Variants in ZNF800 observed in about 807,000 individuals in gnomAD.
The protein encoded by ZNF800 is zinc finger protein 800.
A neutral mutation model predicts 59.5 loss-of-function variants in ZNF800; 13 were observed. That is an observed-to-expected ratio of 0.22 (90% confidence interval 0.14 to 0.35). The LOEUF (loss-of-function observed/expected upper bound fraction) is 0.35. Ranked by LOEUF, ZNF800 falls within the 10% of genes least tolerant of loss-of-function variation. The pLI is 1.00. For synonymous variants in ZNF800, 266 were observed against 265.7 expected (o/e 1.00, Z -0.01); for missense variants, 621 against 783.7 (o/e 0.79, Z 2.48).
chr7:127,368,032 G>A (rs909165560), downstream of ZNF800, among the ~76,000 whole-genome samples: 1 of 152,004 alleles, frequency 6.6e-6, no homozygotes, highest in Admixed American at 6.6e-5. Flanking sequence ...GTGGAGCAAT[G>A]AAGATTTAGG....
Position 127,392,244 on chromosome 7 carries a change from A to C in ZNF800, c.-243T>G. 2 of 392,346 alleles carry C rather than the reference A, an allele frequency of 5.1e-6. No individual in the cohort carries two copies. Among genetic ancestry groups the C allele is most frequent in the Non-Finnish European group, 4.5e-6 (1 of 222,034 alleles). 24.3% of individuals were successfully genotyped at this position (392,346 alleles called of 1,614,324 possible). ...GAGTCCCCGCCGGCGCTGACGCGGA[A>C]GCGCCACAGCTCACCACGTCCCTCC... On this transcript the variant is annotated 5_prime_UTR_variant, in exon 1 of 6. Transcript: ENST00000265827.
chr7:127,391,731 C>T, intron 1 of ZNF800, 116 bp from the exon 2 acceptor site: 1 of 638,282 alleles, frequency 1.6e-6, no homozygotes, highest in African/African-American at 1.8e-5. Flanking sequence ...GGACCCGCAC[C>T]TCCCTCTCGA....
At chr7:127,356,639 T>TTAA (rs1326668101) in intron 1 of ZNF800, among the ~76,000 whole-genome samples, 1 of 152,038 alleles carries the variant, frequency 6.6e-6, no homozygotes, top group Non-Finnish European at 1.5e-5. Context: ...TAATTGTGTG[T>TTAA]TACAGCAGTG....
chr7:127,390,785 T>C lies in ZNF800; in HGVS notation c.61+712A>G, dbSNP rs1801285837. ...TCACAAAGCATATCAAAGTTCTAAG[T>C]AGAACTGTCAACAGTATATCAAGTT... On this transcript the variant is annotated intron_variant, in intron 2 of 5. Coordinates refer to ENST00000265827, the MANE Select transcript of ZNF800 (RefSeq NM_176814.5). 2.6e-5 allele frequency among the ~76,000 whole-genome samples: 4 copies of C among 152,194 alleles called. No individual in the cohort carries two copies. In the South Asian group the frequency reaches 8.3e-4, roughly 31 times the overall value.
intron 3 of ZNF800, among the ~76,000 whole-genome samples, chr7:127,379,836 A>ACCCCCCACCCCCCCCCCCCCC (rs1800905580): frequency 3.6e-5 from 1 of 27,634 alleles, no homozygotes; most frequent in Non-Finnish European, 6.6e-5. Context: ...TACCCTTGCC[A>ACCCCCCACCCCCCCCCCCCCC]CCCCCCCACC....
downstream of ZNF800, among the ~76,000 whole-genome samples, chr7:127,366,857 T>G (rs571868619): frequency 1.1e-4 from 17 of 152,190 alleles, no homozygotes; most frequent in South Asian, 3.5e-3. Flanking sequence ...TGAAGGGGAC[T>G]GACATGAGAG....
Position 127,374,953 on chromosome 7 carries a change from T to G in ZNF800, c.383A>C (p.Glu128Ala), listed in dbSNP as rs1489625103. Residue 128 changes from glutamate (E) to alanine (A), a missense_variant, in exon 5 of 6, where the codon GAA becomes GCA. Glu to Ala is a moderately radical substitution (Grantham distance 107). Coordinates refer to ENST00000265827, the MANE Select transcript of ZNF800 (RefSeq NM_176814.5). ...TATGGGTTCTAGCTTAATAATATAT[T>G]CTCGTTTGTCCACACTTGGATATAT... ...EAIYPSVDKR[E>A]YIIKLEPIET... 8 of 1,613,266 alleles carry G rather than the reference T, an allele frequency of 5.0e-6. No individual in the cohort carries two copies. The highest frequency in any genetic ancestry group is 6.8e-6 in the Non-Finnish European group (8 of 1,179,794).
At chr7:127,372,408 A>G (rs970959130) in intron 5 of ZNF800, among the ~76,000 whole-genome samples, 8 of 149,548 alleles carry the variant, frequency 5.3e-5, no homozygotes, top group Non-Finnish European at 8.9e-5. Context: ...TGAACCCAGG[A>G]GGCGGAAGGT....
intron 3 of ZNF800, among the ~76,000 whole-genome samples, chr7:127,379,270 G>A (rs1800883065): frequency 6.6e-6 from 1 of 152,138 alleles, no homozygotes; most frequent in Non-Finnish European, 1.5e-5. Context: ...ATGAGAGGTA[G>A]ACTGATTTTA....
intron 3 of ZNF800, among the ~76,000 whole-genome samples, chr7:127,385,492 T>C (rs1352558252): frequency 6.6e-6 from 1 of 152,204 alleles, no homozygotes; most frequent in Non-Finnish European, 1.5e-5. Flanking sequence ...ATTCTTATTA[T>C]CAGCTAATGA....
chr7:127,391,601 T>G lies in ZNF800; in HGVS notation c.-44A>C. The G allele has an allele frequency of 5.2e-5, 82 of 1,578,996 alleles. No individual in the cohort carries two copies. The highest frequency in any genetic ancestry group is 6.4e-5 in the Non-Finnish European group (74 of 1,148,116). On this transcript the variant is annotated 5_prime_UTR_variant, in exon 2 of 6. Transcript: ENST00000265827. ...ACTTTGCTTTCACTGTAAGAAGCTC[T>G]TCATTGCGGCGTGGCTGTTGAAAGA...
rs199705723 is a variant in ZNF800 at position 127,374,750 on chromosome 7, C to T, written c.586G>A (p.Val196Ile). The T allele has an allele frequency of 1.2e-6, 2 of 1,613,952 alleles. No individual in the cohort carries two copies. The highest frequency in any genetic ancestry group is 1.7e-5 in the Admixed American group (1 of 59,998). Residue 196 changes from valine (V) to isoleucine (I), a missense_variant, in exon 5 of 6, where the codon GTT (valine) becomes ATT (isoleucine). Val to Ile is a conservative substitution (Grantham distance 29). This residue lies in a region of ZNF800 where 218 missense variants were observed against 230.8 expected (regional missense o/e 0.94). Coordinates refer to ENST00000265827, the MANE Select transcript of ZNF800 (RefSeq NM_176814.5). ...TEVETVEPPP[V>I]EIVTDEVAPT... ...GCAACTTCATCTGTAACAATCTCAA[C>T]AGGAGGGGGCTCTACAGTTTCCACC...
chr7:127,384,436 G>A (rs2106181), intron 3 of ZNF800, among the ~76,000 whole-genome samples: 96,558 of 150,732 alleles, frequency 0.64, 31,328 homozygotes, highest in East Asian at 0.86. Flanking sequence ...GAGTTTCACC[G>A]TGTTAGCCAG....
chr7:127,365,730 G>A (rs562876512), downstream of ZNF800, among the ~76,000 whole-genome samples: 5 of 152,200 alleles, frequency 3.3e-5, no homozygotes, highest in East Asian at 5.8e-4. Context: ...ATAAAATAAC[G>A]AAGTGCTCTA....
chr7:127,379,852 A>T (rs59540491), intron 3 of ZNF800, among the ~76,000 whole-genome samples: 1 of 16,164 alleles, frequency 6.2e-5, no homozygotes, highest in African/African-American at 2.2e-4. Context: ...CCACCCCCCC[A>T]CCCCCCCCAC....
Position 127,363,788 on chromosome 7 carries a change from A to G in ZNF800, n.224+9554T>C, listed in dbSNP as rs1800444187. ...GGAAAGAACTTGGTTGGAAGGAGCC[A>G]AAAGAGGCTAAAGTGATTTAAACTG... On this transcript the variant is annotated intron_variant and non_coding_transcript_variant, in intron 1 of 1. Transcript: ENST00000485577. 3.3e-5 allele frequency: 5 copies of G among 152,118 alleles called. No homozygotes were observed. The South Asian group carries it at 1.0e-3, about 32-fold the overall frequency. The allele number at this position is 152,118 out of a possible 1,614,324, so 9.4% of individuals were successfully genotyped here. A position where few individuals can be genotyped will look rare whatever the true frequency, so the allele number is the denominator to read the frequency against.
chr7:127,364,006 G>A (rs935217657), intron 1 of ZNF800: 1 of 152,082 alleles, frequency 6.6e-6, no homozygotes, highest in African/African-American at 2.4e-5. Context: ...TGAGCTTTAT[G>A]TAATTGTATA....
At position 127,373,392 on chromosome 7, in the gene ZNF800, A is replaced by G; in HGVS notation, c.1944T>C (p.Pro648=). 1 of 1,612,152 alleles carries G rather than the reference A, an allele frequency of 6.2e-7. No individual in the cohort carries two copies. The highest frequency in any genetic ancestry group is 8.5e-7 in the Non-Finnish European group (1 of 1,178,966). ...TTCGGCCTTTGGTTTTGTTTCCTTC[A>G]GGTGAATTGGAAGCATTTGCCTTAT... The part of the protein sequence containing the change: ...KTHKANASNS[P]EGNKTKGRST... Residue 648 remains proline (P), a synonymous_variant, in exon 5 of 6, where the codon CCT becomes CCC. Coordinates refer to ENST00000265827, the MANE Select transcript of ZNF800 (RefSeq NM_176814.5).
chr7:127,344,664 G>T (rs1330857119), downstream of ZNF800, among the ~76,000 whole-genome samples: 1 of 152,108 alleles, frequency 6.6e-6, no homozygotes, highest in Non-Finnish European at 1.5e-5. Context: ...TTAAGGAATA[G>T]AGGATATAAA....
Sources: gnomAD v4.1 joint callset for allele counts (sites outside exome capture counted in the v4.1 genomes callset) on GRCh38, gnomAD v4.1.1 for gene constraint, gnomAD v4.1.1 regional missense constraint, MANE v1.5 for transcripts, NCBI Gene and HGNC (gene_info 2026-07-23, HGNC 2026-07-21) for gene names.